ARHGAP42: variants seen among roughly 807,000 people sequenced by gnomAD.
The protein encoded by ARHGAP42 is rho GTPase-activating protein 42.
Under a neutral mutation model 125.0 loss-of-function variants are expected in ARHGAP42, and 63 were observed. The observed-to-expected ratio is 0.50, with a 90% CI of 0.41 to 0.62. ARHGAP42 has a LOEUF of 0.62. ARHGAP42 is among the 20% of genes least tolerant of loss of function. ARHGAP42 has a pLI of 0.00. For synonymous variants in ARHGAP42, 339 were observed against 351.0 expected (o/e 0.97, Z 0.38); for missense variants, 766 against 1,024.2 (o/e 0.75, Z 3.44).
At chr11:100,988,499 A>G (rs1858745479) in intron 23 of ARHGAP42, among the ~76,000 whole-genome samples, 1 of 152,222 alleles carries the variant, frequency 6.6e-6, no homozygotes, top group African/African-American at 2.4e-5. Flanking sequence ...TTTAAAGCAT[A>G]CAGGGGGATG....
intron 4 of ARHGAP42, among the ~76,000 whole-genome samples, chr11:100,868,545 A>G (rs1347202452): frequency 1.3e-5 from 2 of 152,204 alleles, no homozygotes; most frequent in Non-Finnish European, 2.9e-5. Flanking sequence ...TCTAACTAGT[A>G]AGGAGTAGAG....
intron 3 of ARHGAP42, among the ~76,000 whole-genome samples, chr11:100,807,622 G>C (rs1864029275): frequency 6.6e-6 from 1 of 152,210 alleles, no homozygotes; most frequent in South Asian, 2.1e-4. Context: ...AGTTCCAGGA[G>C]TTGGGGCTTG....
In ARHGAP42 at chr11:100,750,689, GGAATGAGTCAGGGTGGA is replaced by G. The variant is rs1171887390; in HGVS notation, c.155-19640_155-19624del. Among the ~76,000 whole-genome samples, 8 of 152,086 alleles carry G rather than the reference GGAATGAGTCAGGGTGGA, an allele frequency of 5.3e-5. No homozygotes were observed. In the South Asian group the frequency reaches 6.2e-4, roughly 12 times the overall value. ...AATGGTTATGGCAGAGCAGGAAATC[GGAATGAGTCAGGGTGGA>G]GAATGAGTCAGGGCGGAGCAGGTAG... On this transcript the variant is annotated intron_variant, in intron 1 of 23. Coordinates refer to ENST00000298815, the MANE Select transcript of ARHGAP42 (RefSeq NM_152432.4).
chr11:100,859,767 A>T (rs1565245902), intron 4 of ARHGAP42, 142 bp downstream of exon 4: 1 of 566,532 alleles, frequency 1.8e-6, no homozygotes, highest in South Asian at 3.2e-5. Context: ...TAGAGACTTA[A>T]CAAAGACTGG....
chr11:100,942,362 T>C (rs185214797), intron 9 of ARHGAP42, among the ~76,000 whole-genome samples: 124 of 152,258 alleles, frequency 8.1e-4, no homozygotes, highest in African/African-American at 2.8e-3. Flanking sequence ...AAGAACCCAA[T>C]AGATGCTCAT....
intron 4 of ARHGAP42, among the ~76,000 whole-genome samples, chr11:100,887,550 G>A (rs1866121492): frequency 6.6e-6 from 1 of 152,164 alleles, no homozygotes; most frequent in Non-Finnish European, 1.5e-5. Context: ...GTACTTACAT[G>A]GTAATCGTAA....
At chr11:100,715,120 C>T (rs920848421) in intron 1 of ARHGAP42, among the ~76,000 whole-genome samples, 1 of 150,398 alleles carries the variant, frequency 6.6e-6, no homozygotes, top group Admixed American at 6.6e-5. Flanking sequence ...TAATTATACC[C>T]TTGTGTAGTT....
At chr11:100,908,169 T>G (rs952326502) in intron 4 of ARHGAP42, among the ~76,000 whole-genome samples, 2 of 152,246 alleles carry the variant, frequency 1.3e-5, no homozygotes, top group African/African-American at 2.4e-5. Flanking sequence ...CAAAGCTTTC[T>G]AGTAGTCTTT....
chr11:100,948,265 C>T (rs912480184), intron 10 of ARHGAP42, among the ~76,000 whole-genome samples, 192 bp from the exon 11 acceptor site: 3 of 152,006 alleles, frequency 2.0e-5, no homozygotes, highest in Non-Finnish European at 4.4e-5. Context: ...ACATTTTTTG[C>T]ATGCCTAGTG....
intron 4 of ARHGAP42, among the ~76,000 whole-genome samples, chr11:100,890,982 T>C (rs1246460510): frequency 2.0e-5 from 3 of 152,214 alleles, no homozygotes; most frequent in Non-Finnish European, 4.4e-5. Flanking sequence ...GTTTTCATAA[T>C]GAGTTGCACT....
intron 3 of ARHGAP42, among the ~76,000 whole-genome samples, chr11:100,821,997 A>G (rs1007681453): frequency 2.0e-5 from 3 of 152,078 alleles, no homozygotes; most frequent in South Asian, 2.1e-4. Context: ...TGAATATCCA[A>G]TGACCATCCT....
chr11:100,816,543 A>AT (rs1211844413), intron 3 of ARHGAP42, among the ~76,000 whole-genome samples: 1 of 152,142 alleles, frequency 6.6e-6, no homozygotes, highest in East Asian at 1.9e-4. Flanking sequence ...AACATCAAAC[A>AT]TTTTTTACTG....
At chr11:100,801,071 G>A (rs979331191) in intron 3 of ARHGAP42, among the ~76,000 whole-genome samples, 20 of 152,154 alleles carry the variant, frequency 1.3e-4, no homozygotes, top group Admixed American at 1.3e-4. Flanking sequence ...TATTGGAAGT[G>A]CTCCAGAGAG....
chr11:100,925,748 A>G lies in ARHGAP42; in HGVS notation c.597+4144A>G, dbSNP rs117994707. Reference sequence around the variant, plus strand: ...GTGAGACTCTGTCTCAAAAAAATAAATAAAAATTAAATATATTTACTAGTA... The same window carrying G: ...GTGAGACTCTGTCTCAAAAAAATAAGTAAAAATTAAATATATTTACTAGTA... On this transcript the variant is annotated intron_variant, in intron 6 of 23. Coordinates refer to ENST00000298815, the MANE Select transcript of ARHGAP42 (RefSeq NM_152432.4). Among the ~76,000 whole-genome samples, 1,480 of 152,330 alleles carry G rather than the reference A, an allele frequency of 9.7e-3. 11 individuals carry two copies. Among genetic ancestry groups the G allele is most frequent in the Non-Finnish European group, 0.016 (1,106 of 68,038 alleles).
chr11:100,879,414 T>C (rs1865904680), intron 4 of ARHGAP42, among the ~76,000 whole-genome samples: 1 of 152,212 alleles, frequency 6.6e-6, no homozygotes, highest in South Asian at 2.1e-4. Context: ...CTTCTCCACC[T>C]GTACCACCCA....
chr11:100,941,727 C>A, intron 8 of ARHGAP42, 57 bp from the exon 9 acceptor site: 1 of 1,125,336 alleles, frequency 8.9e-7, no homozygotes. Context: ...AATGTGCAAA[C>A]TTTGATACAA....
intron 2 of ARHGAP42, among the ~76,000 whole-genome samples, chr11:100,785,353 T>C (rs1863407751): frequency 6.6e-6 from 1 of 152,156 alleles, no homozygotes; most frequent in South Asian, 2.1e-4. Flanking sequence ...GGGTTCTTGG[T>C]AGAAAGACGA....
At chr11:100,692,285 A>T (rs1464594416) in intron 1 of ARHGAP42, among the ~76,000 whole-genome samples, 1 of 152,240 alleles carries the variant, frequency 6.6e-6, no homozygotes, top group African/African-American at 2.4e-5. Context: ...TTAAATATAC[A>T]CAAGCATGGA....
At chr11:100,955,839 A>G (rs1343363550) in intron 12 of ARHGAP42, among the ~76,000 whole-genome samples, 1 of 152,104 alleles carries the variant, frequency 6.6e-6, no homozygotes, top group Non-Finnish European at 1.5e-5. Context: ...TTGGATGTTA[A>G]GAGGACACGT....
Sources: allele counts gnomAD v4.1 joint callset (sites outside exome capture counted in the v4.1 genomes callset), GRCh38; gene constraint gnomAD v4.1.1; transcripts MANE v1.5; gene names NCBI Gene and HGNC (gene_info 2026-07-23, HGNC 2026-07-21).